Variants in DAB2IP observed in about 807,000 individuals in gnomAD.
DAB2IP encodes disabled homolog 2-interacting protein.
In DAB2IP, 28 loss-of-function variants were observed where a neutral mutation model predicts 107.2. The observed-to-expected ratio is 0.26, with a 90% CI of 0.19 to 0.36. The LOEUF is 0.36. Ranked by LOEUF, DAB2IP falls within the 10% of genes least tolerant of loss-of-function variation. The probability of loss-of-function intolerance (pLI) is 1.00; values close to 1 mark genes in which losing one functional copy is unlikely to be tolerated. For missense variants in DAB2IP, 1,400 were observed against 1,644.7 expected (o/e 0.85, Z 2.57); for synonymous variants, 755 against 706.4 (o/e 1.07, Z -1.09).
chr9:121,584,177 AAAAT>A (rs757824112), intron 1 of DAB2IP, among the ~76,000 whole-genome samples: 3 of 152,156 alleles, frequency 2.0e-5, no homozygotes, highest in Non-Finnish European at 4.4e-5. Context: ...GACTCTGTTC[AAAAT>A]AAATAAATAA....
chr9:121,666,999 C>T (rs1833469036), intron 1 of DAB2IP, among the ~76,000 whole-genome samples: 2 of 151,926 alleles, frequency 1.3e-5, no homozygotes, highest in Admixed American at 1.3e-4. Context: ...GATTCCATGA[C>T]TTGTTGCATG....
chr9:121,586,783 G>A (rs1353892588), intron 1 of DAB2IP, among the ~76,000 whole-genome samples: 2 of 151,782 alleles, frequency 1.3e-5, no homozygotes, highest in African/African-American at 4.8e-5. Flanking sequence ...TTGTACCACT[G>A]CACTCCAGCC....
At chr9:121,640,716 C>T (rs1832255883) in intron 1 of DAB2IP, among the ~76,000 whole-genome samples, 1 of 152,224 alleles carries the variant, frequency 6.6e-6, no homozygotes, top group Admixed American at 6.5e-5. Context: ...TTGCCTGCTA[C>T]AGCTTCCTCT....
rs1272976889 is a variant in DAB2IP at position 121,635,973 on chromosome 9, G to A, written c.41-42705G>A. 5.9e-5 allele frequency among the ~76,000 whole-genome samples: 9 copies of A among 152,106 alleles called. No homozygotes were observed. The highest frequency in any genetic ancestry group is 2.2e-4 in the African/African-American group (9 of 41,420). On this transcript the variant is annotated intron_variant, in intron 1 of 16. Coordinates refer to the DAB2IP transcript ENST00000259371. The surrounding 1 kb of genome is among the most constrained non-coding windows in gnomAD (Gnocchi z 4.3). ...GGCTGGAGTGCAGTGGCACGATCTC[G>A]GCTCACTGCAACCTCTGCCTCCCAG...
intron 1 of DAB2IP, among the ~76,000 whole-genome samples, chr9:121,646,479 G>A (rs1832540356): frequency 6.7e-6 from 1 of 150,238 alleles, no homozygotes; most frequent in African/African-American, 2.5e-5. Context: ...TTAACCACAA[G>A]TGTCCCGCCA....
At chr9:121,609,977 A>G (rs1016646894) in intron 1 of DAB2IP, among the ~76,000 whole-genome samples, 11 of 152,166 alleles carry the variant, frequency 7.2e-5, no homozygotes, top group African/African-American at 2.2e-4. Flanking sequence ...AGTCACAGGG[A>G]TGAGATCACT....
chr9:121,602,854 C>T (rs1044921817), intron 1 of DAB2IP, among the ~76,000 whole-genome samples: 11 of 152,214 alleles, frequency 7.2e-5, no homozygotes, highest in Non-Finnish European at 1.3e-4. Context: ...GGATTACAGG[C>T]GTGAGCCACC....
At chr9:121,636,153 C>A (rs1196045048) in intron 1 of DAB2IP, among the ~76,000 whole-genome samples, 1 of 152,140 alleles carries the variant, frequency 6.6e-6, no homozygotes, top group Non-Finnish European at 1.5e-5. Flanking sequence ...GGCAAACCAC[C>A]TGCCTCGGCC....
rs183457985 is a variant in DAB2IP at position 121,686,029 on chromosome 9, G to A, written c.228+7248G>A. 2.0e-5 allele frequency among the ~76,000 whole-genome samples: 3 copies of A among 152,328 alleles called. No individual in the cohort carries two copies. In the East Asian group the frequency reaches 5.8e-4, roughly 29 times the overall value. ...AAGGGAGGTGAGGTGGGCCAGAGTA[G>A]GCCAGAGCAGACATGGAGTGCAGCA... is the stretch of plus-strand genomic sequence containing the variant. On this transcript the variant is annotated intron_variant, in intron 2 of 15. Transcript: ENST00000408936.
At chr9:121,661,039 G>A (rs1833178707) in intron 1 of DAB2IP, among the ~76,000 whole-genome samples, 1 of 152,144 alleles carries the variant, frequency 6.6e-6, no homozygotes, top group Non-Finnish European at 1.5e-5. Flanking sequence ...GGTGGGATAA[G>A]GCCCTTGGAA....
At chr9:121,621,518 C>G (rs117330195) in intron 1 of DAB2IP, among the ~76,000 whole-genome samples, 2 of 152,130 alleles carry the variant, frequency 1.3e-5, no homozygotes, top group Non-Finnish European at 2.9e-5. Context: ...CCCCTCAGCC[C>G]GGTGCCTGCC....
intron 3 of DAB2IP, among the ~76,000 whole-genome samples, chr9:121,743,394 C>A (rs932873446): frequency 6.6e-6 from 1 of 152,090 alleles, no homozygotes; most frequent in Non-Finnish European, 1.5e-5. Flanking sequence ...AAGCCGAGGG[C>A]CTCTAACCTG....
chr9:121,644,961 A>G (rs1832488390), intron 1 of DAB2IP, among the ~76,000 whole-genome samples: 1 of 152,228 alleles, frequency 6.6e-6, no homozygotes, highest in Admixed American at 6.5e-5. Context: ...AGTGCCAGCC[A>G]TGAAATGGTT....
At chr9:121,644,580 T>C (rs7465724) in intron 1 of DAB2IP, among the ~76,000 whole-genome samples, 60,759 of 150,848 alleles carry the variant, frequency 0.4, 12,785 homozygotes, top group African/African-American at 0.52. Flanking sequence ...CTGGGCTTGC[T>C]GAGACTCCAT....
intron 9 of DAB2IP, 70 bp downstream of exon 9, chr9:121,766,800 T>C: frequency 6.7e-7 from 1 of 1,493,372 alleles, no homozygotes; most frequent in Non-Finnish European, 9.2e-7. Context: ...CCTGGGGGTG[T>C]TTCTGCCCCC....
chr9:121,696,262 G>C (rs904227695), intron 2 of DAB2IP, among the ~76,000 whole-genome samples: 2 of 152,244 alleles, frequency 1.3e-5, no homozygotes, highest in African/African-American at 2.4e-5. Context: ...TTCTCTTGCA[G>C]TGAGGGGTCT....
chr9:121,726,864 G>C (rs1831262126), intron 3 of DAB2IP, among the ~76,000 whole-genome samples: 1 of 152,120 alleles, frequency 6.6e-6, no homozygotes, highest in Non-Finnish European at 1.5e-5. Flanking sequence ...TCAAGGGGAA[G>C]GGTCTCTTTC....
At chr9:121,691,158 A>G (rs1324115756) in intron 2 of DAB2IP, among the ~76,000 whole-genome samples, 2 of 152,230 alleles carry the variant, frequency 1.3e-5, no homozygotes, top group Admixed American at 1.3e-4. Context: ...TTCAAGAAAT[A>G]TTGAGAGAAT....
intron 3 of DAB2IP, among the ~76,000 whole-genome samples, chr9:121,756,097 G>C (rs1172073074): frequency 6.6e-6 from 1 of 152,166 alleles, no homozygotes; most frequent in Non-Finnish European, 1.5e-5. Flanking sequence ...CTGTCCTCAC[G>C]CTTTTCCTCT....
Sources: gnomAD v4.1 joint callset for allele counts (sites outside exome capture counted in the v4.1 genomes callset) on GRCh38, gnomAD v4.1.1 for gene constraint, Gnocchi (gnomAD v3.1) non-coding constraint, MANE v1.5 for transcripts, NCBI Gene and HGNC (gene_info 2026-07-23, HGNC 2026-07-21) for gene names.